PTPN5: variants seen among roughly 807,000 people sequenced by gnomAD.
PTPN5 encodes protein tyrosine phosphatase non-receptor type 5, also known as tyrosine-protein phosphatase non-receptor type 5.
Under a neutral mutation model 73.9 loss-of-function variants are expected in PTPN5, and 29 were observed. That is an observed-to-expected ratio of 0.39 (90% CI 0.29 to 0.54). The LOEUF (loss-of-function observed/expected upper bound fraction) is 0.54, where lower values mean the gene tolerates loss of function less well. PTPN5 is among the 20% of genes least tolerant of loss of function. The pLI is 0.65. For synonymous variants in PTPN5, 267 were observed against 304.7 expected, an observed-to-expected ratio of 0.88 and a Z score of 1.29; for missense variants, 652 against 751.4, an observed-to-expected ratio of 0.87 and a Z score of 1.55.
At chr11:18,791,270 G>A (rs1246464085) in intron 1 of PTPN5, among the ~76,000 whole-genome samples, 1 of 152,226 alleles carries the variant, frequency 6.6e-6, no homozygotes, top group Non-Finnish European at 1.5e-5. Context: ...CCCCGGAACC[G>A]CGCACGGGCT....
At chr11:18,738,808 A>G (rs963380524) in intron 8 of PTPN5, among the ~76,000 whole-genome samples, 12 of 151,800 alleles carry the variant, frequency 7.9e-5, no homozygotes, top group Admixed American at 3.9e-4. Context: ...CCCATCTCTA[A>G]TAAGAATACA....
At chr11:18,766,314 A>T (rs1850642662) in intron 2 of PTPN5, among the ~76,000 whole-genome samples, 1 of 152,116 alleles carries the variant, frequency 6.6e-6, no homozygotes, top group South Asian at 2.1e-4. Context: ...TGAAATTATG[A>T]CCTAGGACTC....
chr11:18,743,192 G>C (rs1340242727), intron 5 of PTPN5, 117 bp from the exon 6 acceptor site: 2 of 1,217,894 alleles, frequency 1.6e-6, no homozygotes, highest in East Asian at 4.7e-5. Flanking sequence ...ATGGGGAGCA[G>C]GCAGAAGAAC....
rs1848745885 is a variant in PTPN5, at chr11:18,728,956, A to T, written c.1676T>A (p.Leu559Gln). Reference sequence around the variant, plus strand: ...CAGTCATTCTGGGGACTGGTGGGACAGCTGCTTTTCGTAGAGGCTCATGAC... The same window carrying T: ...CAGTCATTCTGGGGACTGGTGGGACTGCTGCTTTTCGTAGAGGCTCATGAC... ...HHVMSLYEKQ[L>Q]SHQSPE Residue 559 changes from leucine (L) to glutamine (Q), a missense_variant, in exon 15 of 15, where the codon CTG (leucine) becomes CAG (glutamine). Physicochemically the swap from Leu to Gln is moderately radical, Grantham distance 113. Around this residue, in one of 3 missense-constraint regions of PTPN5, gnomAD observed 21 missense variants for 16.9 expected, o/e 1.24. Transcript: ENST00000358540. The surrounding 1 kb of genome is among the most constrained non-coding windows in gnomAD (Gnocchi z 4.1). The T allele has an allele frequency of 6.2e-7, 1 of 1,613,316 alleles. No homozygotes were observed. Among genetic ancestry groups the T allele is most frequent in the African/African-American group, 1.3e-5 (1 of 74,874 alleles).
rs1032137578 is a variant in PTPN5 at position 18,737,967 on chromosome 11, G to A, written c.916-3C>T. On this transcript the variant is annotated splice_region_variant and splice_polypyrimidine_tract_variant and intron_variant, in intron 8 of 14. Coordinates refer to ENST00000358540, the MANE Select transcript of PTPN5 (RefSeq NM_006906.2). ...TCCACAAAGTTCATGGGGATTTCCTGTGGAAGGAGGACACGGGGTGTGAGC... is the reference window on the plus strand; with the variant it reads ...TCCACAAAGTTCATGGGGATTTCCTATGGAAGGAGGACACGGGGTGTGAGC... The A allele has an allele frequency of 1.9e-6, 3 of 1,613,668 alleles. No individual in the cohort carries two copies. The highest frequency in any genetic ancestry group is 2.5e-6 in the Non-Finnish European group (3 of 1,179,522).
rs546341855 is a variant in PTPN5, at chr11:18,755,469, T to C, written c.97+10338A>G. Among the ~76,000 whole-genome samples, 4 of 152,302 alleles carry C rather than the reference T, an allele frequency of 2.6e-5. No individual in the cohort carries two copies. The South Asian group carries it at 8.3e-4, about 32-fold the overall frequency. ...TAACTAATGCAAGCGGTTTTATCCCTTCCTCAGGTAATATGGATTTTCATA... is the reference window on the plus strand; with the variant it reads ...TAACTAATGCAAGCGGTTTTATCCCCTCCTCAGGTAATATGGATTTTCATA... On this transcript the variant is annotated intron_variant, in intron 3 of 14. Transcript: ENST00000358540.
chr11:18,740,943 T>C, intron 7 of PTPN5, 151 bp from the exon 8 acceptor site: 1 of 463,006 alleles, frequency 2.2e-6, no homozygotes, highest in Non-Finnish European at 3.8e-6. Context: ...CAAGACCCCC[T>C]GACAAAGAAG....
intron 3 of PTPN5, among the ~76,000 whole-genome samples, chr11:18,746,623 C>G (rs79245675): frequency 6.6e-6 from 1 of 152,126 alleles, no homozygotes; most frequent in African/African-American, 2.4e-5. Context: ...GCTCCAGTCT[C>G]GTGGCTAAAA....
chr11:18,781,993 A>G (rs1318517498), intron 1 of PTPN5, among the ~76,000 whole-genome samples: 1 of 152,248 alleles, frequency 6.6e-6, no homozygotes, highest in Non-Finnish European at 1.5e-5. Flanking sequence ...AGCACAAGGT[A>G]TGCCAGGCAG....
At position 18,729,336 on chromosome 11, in the gene PTPN5, C is replaced by T. The variant is rs181147375; in HGVS notation, c.1604+117G>A. 2,352 of 657,640 alleles carry T rather than the reference C, an allele frequency of 3.6e-3. 4 individuals are homozygous for T. Among genetic ancestry groups the T allele is most frequent in the Non-Finnish European group, 5.3e-3 (1,928 of 361,942 alleles). 40.7% of individuals were successfully genotyped at this position (657,640 alleles called of 1,614,324 possible). ...GCTACTCCTTGTCTGCCCATCAGTCCGTGCCAGTGTTTTCCATCTGCCCCT... is the reference window on the plus strand; with the variant it reads ...GCTACTCCTTGTCTGCCCATCAGTCTGTGCCAGTGTTTTCCATCTGCCCCT... On this transcript the variant is annotated intron_variant, in intron 14 of 14. Coordinates refer to ENST00000358540, the MANE Select transcript of PTPN5 (RefSeq NM_006906.2). This position sits in a 1 kb window ranked among gnomAD's most constrained non-coding sequence, Gnocchi z 5.2.
intron 3 of PTPN5, among the ~76,000 whole-genome samples, chr11:18,748,972 C>T (rs1391209364): frequency 6.6e-6 from 1 of 152,204 alleles, no homozygotes; most frequent in African/African-American, 2.4e-5. Flanking sequence ...GAAATGACGT[C>T]AGCTCTTATC....
At chr11:18,743,752 T>C (rs1023132016) in intron 4 of PTPN5, 10 of 568,098 alleles carry the variant, frequency 1.8e-5, no homozygotes, top group Non-Finnish European at 2.8e-5. Flanking sequence ...GGCTGGGAGC[T>C]CAGGGGTCGG....
intron 1 of PTPN5, among the ~76,000 whole-genome samples, chr11:18,781,968 G>A (rs1430459355): frequency 6.6e-6 from 1 of 152,306 alleles, no homozygotes; most frequent in East Asian, 1.9e-4. Flanking sequence ...CAGGGCAAAG[G>A]CCCGGAGAGG....
intron 1 of PTPN5, among the ~76,000 whole-genome samples, chr11:18,783,489 C>T (rs1253754943): frequency 6.6e-6 from 1 of 152,210 alleles, no homozygotes; most frequent in East Asian, 1.9e-4. Flanking sequence ...GTTCCCACAG[C>T]CCTACAGAGC....
Position 18,765,813 on chromosome 11 carries a change from G to A in PTPN5, c.91C>T (p.Leu31=), listed in dbSNP as rs1850618807. 6.4e-7 allele frequency: 1 copy of A among 1,569,898 alleles called. No individual in the cohort carries two copies. Among genetic ancestry groups the A allele is most frequent in the Admixed American group, 1.9e-5 (1 of 53,880 alleles). ...GGGTGCTGAGAAGACTCACCCGGTAGCCTCTCACTGCAGCACATGTCCAGG... is the reference window on the plus strand; with the variant it reads ...GGGTGCTGAGAAGACTCACCCGGTAACCTCTCACTGCAGCACATGTCCAGG... The part of the protein sequence containing the change: ...GALDMCCSER[L]PGLPQPIVME... Residue 31 remains leucine, a synonymous_variant, in exon 3 of 15, where the codon CTA becomes TTA. Transcript: ENST00000358540.
chr11:18,772,198 C>T (rs969493627), intron 1 of PTPN5, 127 bp from the exon 2 acceptor site: 1 of 527,092 alleles, frequency 1.9e-6, no homozygotes, highest in East Asian at 3.5e-5. Flanking sequence ...CCCCTGGTGC[C>T]CTGCTTGCCT....
At chr11:18,779,016 C>T (rs549832120) in intron 1 of PTPN5, among the ~76,000 whole-genome samples, 2 of 152,256 alleles carry the variant, frequency 1.3e-5, no homozygotes, top group African/African-American at 4.8e-5. Flanking sequence ...GCATCTGCTC[C>T]GCTCCTCATT....
intron 3 of PTPN5, among the ~76,000 whole-genome samples, chr11:18,746,746 T>C (rs1590529103): frequency 1.3e-5 from 2 of 152,212 alleles, no homozygotes; most frequent in South Asian, 4.1e-4. Context: ...GAGGTTATAG[T>C]TCCTGACCAC....
chr11:18,744,525 A>G (rs1188352562), intron 3 of PTPN5, among the ~76,000 whole-genome samples: 1 of 151,242 alleles, frequency 6.6e-6, no homozygotes, highest in Non-Finnish European at 1.5e-5. Context: ...ACCACCTCAA[A>G]CTCAATTAAA....
Sources: gnomAD v4.1 joint callset for allele counts (sites outside exome capture counted in the v4.1 genomes callset) on GRCh38, gnomAD v4.1.1 for gene constraint, gnomAD v4.1.1 regional missense constraint, Gnocchi (gnomAD v3.1) non-coding constraint, MANE v1.5 for transcripts, NCBI Gene and HGNC (gene_info 2026-07-23, HGNC 2026-07-21) for gene names.